The following SRSF12 variants were observed in gnomAD, a reference collection of about 807,000 sequenced individuals.
SRSF12 encodes serine and arginine rich splicing factor 12, also known as serine/arginine-rich splicing factor 12.
Under a neutral mutation model 34.1 loss-of-function variants are expected in SRSF12, and 21 were observed. The observed-to-expected ratio is 0.62, with a 90% CI of 0.44 to 0.89. The LOEUF (loss-of-function observed/expected upper bound fraction) is 0.89. Among genes scored for constraint, SRSF12 ranks in the 40% least tolerant of loss-of-function variants. SRSF12 has a pLI of 0.00. For missense variants in SRSF12, 278 were observed against 327.8 expected, an observed-to-expected ratio of 0.85 and a Z score of 1.17; for synonymous variants, 111 against 110.8, an observed-to-expected ratio of 1.00 and a Z score of -0.01.
chr6:89,113,388 G>T (rs566063729), intron 1 of SRSF12, among the ~76,000 whole-genome samples: 27 of 152,088 alleles, frequency 1.8e-4, no homozygotes, highest in African/African-American at 6.5e-4. Context: ...TGGCCAGGCT[G>T]GTCTCGAACT....
intron 2 of SRSF12, 188 bp from the exon 3 acceptor site, chr6:89,105,718 T>G (rs1000507272): frequency 7.8e-6 from 3 of 385,098 alleles, no homozygotes; most frequent in Non-Finnish European, 1.4e-5. Flanking sequence ...TGACCCATTA[T>G]GTTTAGAAGA....
At chr6:89,105,096 A>C (rs758528068) in intron 4 of SRSF12, 23 bp downstream of exon 4, 1 of 1,551,694 alleles carries the variant, frequency 6.4e-7, no homozygotes, top group Non-Finnish European at 8.7e-7. Context: ...AGAAAATGAA[A>C]TTTTCAGTCC....
Position 89,117,916 on chromosome 6 carries a change from G to A in SRSF12, c.-29C>T. On this transcript the variant is annotated 5_prime_UTR_variant, in exon 1 of 5. Transcript: ENST00000452027. Reference sequence around the variant, plus strand: ...CGCTTCCTCCGTTCCCTCCGGGTCTGCCCGCGGCCGCTGGACTCGCTCCGT... The same window carrying A: ...CGCTTCCTCCGTTCCCTCCGGGTCTACCCGCGGCCGCTGGACTCGCTCCGT... 2 of 1,549,392 alleles carry A rather than the reference G, an allele frequency of 1.3e-6. No individual in the cohort carries two copies.
At chr6:89,117,782 C>A in intron 1 of SRSF12, 41 bp downstream of exon 1, 2 of 1,523,846 alleles carry the variant, frequency 1.3e-6, no homozygotes, top group Non-Finnish European at 1.8e-6. Flanking sequence ...TGTTACCCCG[C>A]CCCTCCTCCG....
chr6:89,096,505 C>T lies in SRSF12; in HGVS notation c.*2073G>A, dbSNP rs947632177. ...TTATCATTCCAGCTTTTTCATCAAA[C>T]CAAATGGTATCCTCCTAAGCAGCCC... On this transcript the variant is annotated 3_prime_UTR_variant, in exon 5 of 5. Coordinates refer to ENST00000452027, the MANE Select transcript of SRSF12 (RefSeq NM_080743.5). 9 of 152,104 alleles carry T rather than the reference C, an allele frequency of 5.9e-5. No homozygotes were observed. The highest frequency in any genetic ancestry group is 2.2e-4 in the African/African-American group (9 of 41,408). 9.4% of individuals were successfully genotyped at this position (152,104 alleles called of 1,614,324 possible).
intron 1 of SRSF12, 96 bp from the exon 2 acceptor site, chr6:89,107,354 A>C: frequency 1.2e-6 from 1 of 855,984 alleles, no homozygotes; most frequent in Non-Finnish European, 1.9e-6. Flanking sequence ...AAGAAAGAAC[A>C]TCATCTAGAC....
At chr6:89,107,010 TG>T in intron 2 of SRSF12, 143 bp downstream of exon 2, 1 of 868,112 alleles carries the variant, frequency 1.2e-6, no homozygotes. Context: ...CCAGCTACTG[TG>T]GACTGCTTTA....
At chr6:89,106,138 G>C (rs1460595766) in intron 2 of SRSF12, among the ~76,000 whole-genome samples, 1 of 152,036 alleles carries the variant, frequency 6.6e-6, no homozygotes. Context: ...TTCTGTTTTT[G>C]AGATGGAGTT....
intron 1 of SRSF12, among the ~76,000 whole-genome samples, chr6:89,114,873 T>G (rs1432699879): frequency 1.3e-5 from 2 of 152,116 alleles, no homozygotes; most frequent in African/African-American, 4.8e-5. Flanking sequence ...CTCGGCTCAC[T>G]GCAACCTCCA....
chr6:89,110,973 G>T (rs904399037), intron 1 of SRSF12, among the ~76,000 whole-genome samples: 3 of 152,044 alleles, frequency 2.0e-5, no homozygotes, highest in African/African-American at 7.2e-5. Context: ...AAAAAAATTA[G>T]CTGGGCGTGG....
intron 2 of SRSF12, chr6:89,106,829 G>A (rs1218654098): frequency 5.4e-6 from 2 of 372,738 alleles, no homozygotes; most frequent in Non-Finnish European, 1.0e-5. Context: ...TCAACCTGGT[G>A]TTGGCTTTGT....
Position 89,098,939 on chromosome 6 carries a change from T to G in SRSF12, c.425A>C (p.His142Pro), listed in dbSNP as rs200555327. ...AGACTGGCTATAAGAAAATCGCCTG[T>G]GTCGAGACCTGCAAACATCCATAAT... ...RRSDSLKESR[H>P]RRFSYSQSKS... is the part of the protein sequence containing the mutation. The change falls in exon 5 of 5, where the codon CAC becomes CCC. Residue 142 changes from histidine to proline, a missense_variant. Coordinates refer to ENST00000452027, the MANE Select transcript of SRSF12 (RefSeq NM_080743.5). The G allele has an allele frequency of 2.9e-4, 460 of 1,611,668 alleles. No individual in the cohort carries two copies. Among genetic ancestry groups the G allele is most frequent in the Non-Finnish European group, 3.7e-4 (436 of 1,178,750 alleles).
intron 1 of SRSF12, among the ~76,000 whole-genome samples, chr6:89,112,917 A>T (rs1365669081): frequency 6.6e-6 from 1 of 152,110 alleles, no homozygotes; most frequent in Non-Finnish European, 1.5e-5. Flanking sequence ...AGATACATGT[A>T]GGTAAATGTC....
At position 89,117,956 on chromosome 6, in the gene SRSF12, G is replaced by T; in HGVS notation, c.-69C>A. Reference sequence around the variant, plus strand: ...ACTCGCTCCGTCTCCCGCTACCGCTGCTACCACCACAGGAGCTCCGCCGGC... The same window carrying T: ...ACTCGCTCCGTCTCCCGCTACCGCTTCTACCACCACAGGAGCTCCGCCGGC... On this transcript the variant is annotated 5_prime_UTR_variant, in exon 1 of 5. Transcript: ENST00000452027. 6.7e-7 allele frequency: 1 copy of T among 1,482,004 alleles called. No individual in the cohort carries two copies. The highest frequency in any genetic ancestry group is 9.1e-7 in the Non-Finnish European group (1 of 1,104,690). 91.8% of individuals were successfully genotyped at this position (1,482,004 alleles called of 1,614,324 possible).
chr6:89,108,511 C>T, intron 1 of SRSF12, among the ~76,000 whole-genome samples: 1 of 152,216 alleles, frequency 6.6e-6, no homozygotes, highest in East Asian at 1.9e-4. Context: ...TTAACCACTA[C>T]ACCCTACTGC....
intron 4 of SRSF12, among the ~76,000 whole-genome samples, chr6:89,104,384 G>A (rs537697532): frequency 3.3e-5 from 5 of 151,794 alleles, no homozygotes; most frequent in South Asian, 2.1e-4. Context: ...TTACAGGTGC[G>A]TGGCTACCAC....
At chr6:89,102,748 AATTT>A (rs10641766) in intron 4 of SRSF12, among the ~76,000 whole-genome samples, 5 of 151,724 alleles carry the variant, frequency 3.3e-5, no homozygotes, top group Admixed American at 2.0e-4. Context: ...ACATTTTAAT[AATTT>A]ATTTATTTAT....
At chr6:89,109,928 A>G (rs1582269260) in intron 1 of SRSF12, among the ~76,000 whole-genome samples, 1 of 152,070 alleles carries the variant, frequency 6.6e-6, no homozygotes, top group East Asian at 1.9e-4. Context: ...CATCTCTACT[A>G]AAAATACAAA....
Position 89,105,146 on chromosome 6 carries a change from T to C in SRSF12, c.389A>G (p.Asn130Ser). ...TTTAAGGCTGTCTGACCGCCTCCTA[T>C]TTCTTCCCCATGAAGAACTTCTACT... ...TRSRSSSWGR[N>S]RRRSDSLKES... Residue 130 changes from asparagine to serine, a missense_variant, in exon 4 of 5, where the codon AAT (asparagine) becomes AGT (serine). Physicochemically the swap from Asn to Ser is conservative, Grantham distance 46. Transcript: ENST00000452027. 1.2e-6 allele frequency: 2 copies of C among 1,612,810 alleles called. No homozygotes were observed. The highest frequency in any genetic ancestry group is 1.7e-6 in the Non-Finnish European group (2 of 1,179,270).
Sources: allele counts gnomAD v4.1 joint callset (sites outside exome capture counted in the v4.1 genomes callset), GRCh38; gene constraint gnomAD v4.1.1; transcripts MANE v1.5; gene names NCBI Gene and HGNC (gene_info 2026-07-23, HGNC 2026-07-21).